DNAH9: variants seen among roughly 807,000 people sequenced by gnomAD.
DNAH9 encodes dynein axonemal heavy chain 9.
DNAH9 carries 345 observed loss-of-function variants against 471.6 expected under a neutral mutation model. The ratio of observed to expected loss-of-function variants is 0.73; its 90% CI spans 0.67 to 0.80. The LOEUF is 0.80. Ranked by LOEUF, DNAH9 falls within the 30% of genes least tolerant of loss-of-function variation. DNAH9 has a pLI of 0.00. For missense variants in DNAH9, 5,407 were observed against 5,609.2 expected, an observed-to-expected ratio of 0.96 and a Z score of 1.15; for synonymous variants, 2,093 against 2,123.6, an observed-to-expected ratio of 0.99 and a Z score of 0.40.
intron 39 of DNAH9, among the ~76,000 whole-genome samples, chr17:11,781,630 G>A (rs1422200768): frequency 3.3e-5 from 5 of 151,944 alleles, no homozygotes; most frequent in Admixed American, 6.6e-5. Context: ...TCAGGAGTTC[G>A]AGACCAGCCT....
chr17:11,762,779 T>G (rs60840893), intron 35 of DNAH9, among the ~76,000 whole-genome samples: 55,878 of 93,028 alleles, frequency 0.6, 14,243 homozygotes, highest in East Asian at 0.68. Context: ...TGTTTTTTTT[T>G]TTTTTTTTTT....
rs568731352 is a variant in DNAH9, at chr17:11,909,842, C to T, written c.11749+4033C>T. On this transcript the variant is annotated intron_variant, in intron 61 of 68. Coordinates refer to ENST00000262442, the MANE Select transcript of DNAH9 (RefSeq NM_001372.4). ...ATTCATAAGGCTATGTGACCATCAC[C>T]ATATGCTAATTTTCAAAACTCTTGT... Among the ~76,000 whole-genome samples, 6 of 152,328 alleles carry T rather than the reference C, an allele frequency of 3.9e-5. No homozygotes were observed. The South Asian group carries it at 1.2e-3, about 32-fold the overall frequency.
chr17:11,646,963 G>C (rs2073405621), intron 11 of DNAH9, 109 bp from the exon 12 acceptor site: 1 of 1,111,352 alleles, frequency 9.0e-7, no homozygotes. Flanking sequence ...GACCCAGCCT[G>C]GTTGGGTCAA....
At chr17:11,715,909 A>G (rs1187275774) in intron 26 of DNAH9, among the ~76,000 whole-genome samples, 1 of 152,072 alleles carries the variant, frequency 6.6e-6, no homozygotes, top group Non-Finnish European at 1.5e-5. Flanking sequence ...AAGCAGGAGC[A>G]CATCAGAGGA....
At chr17:11,689,271 A>G (rs1745217369) in intron 19 of DNAH9, among the ~76,000 whole-genome samples, 2 of 151,866 alleles carry the variant, frequency 1.3e-5, no homozygotes, top group South Asian at 2.1e-4. Flanking sequence ...ATAAGGGGGT[A>G]TTCCCTTCTA....
intron 26 of DNAH9, among the ~76,000 whole-genome samples, chr17:11,710,845 C>T (rs2074815312): frequency 6.6e-6 from 1 of 152,126 alleles, no homozygotes; most frequent in African/African-American, 2.4e-5. Flanking sequence ...TTTGTGAAAA[C>T]ATTTTCAGTT....
At chr17:11,647,034 G>C (rs769991510) in intron 11 of DNAH9, 38 bp from the exon 12 acceptor site, 137 of 1,607,902 alleles carry the variant, frequency 8.5e-5, no homozygotes, top group Non-Finnish European at 1.1e-4. Flanking sequence ...GAGCTGGGAG[G>C]GGGCTTATGA....
At position 11,822,425 on chromosome 17, in the gene DNAH9, T is replaced by G. The variant is rs1252992493; in HGVS notation, c.8851-13T>G. 1 of 1,613,948 alleles carries G rather than the reference T, an allele frequency of 6.2e-7. No homozygotes were observed. The highest frequency in any genetic ancestry group is 8.5e-7 in the Non-Finnish European group (1 of 1,179,990). ...ATGCCTTCCTGGTTCTCCCCACCCT[T>G]CTGACTTCTCAGGTGACTCTCTGTT... On this transcript the variant is annotated splice_polypyrimidine_tract_variant and intron_variant, in intron 46 of 68. Coordinates refer to ENST00000262442, the MANE Select transcript of DNAH9 (RefSeq NM_001372.4).
intron 62 of DNAH9, among the ~76,000 whole-genome samples, chr17:11,925,899 G>T (rs1974303318): frequency 6.6e-6 from 1 of 151,948 alleles, no homozygotes; most frequent in African/African-American, 2.4e-5. Flanking sequence ...AGAAACAAAA[G>T]ATCCTTACTG....
At chr17:11,834,523 A>G in intron 48 of DNAH9, 115 bp from the exon 49 acceptor site, 1 of 1,240,376 alleles carries the variant, frequency 8.1e-7, no homozygotes, top group Non-Finnish European at 1.1e-6. Flanking sequence ...GCTGTCATCT[A>G]TTCTGCTCCA....
At chr17:11,945,452 G>A (rs773899174) in intron 67 of DNAH9, among the ~76,000 whole-genome samples, 4 of 151,086 alleles carry the variant, frequency 2.6e-5, no homozygotes, top group Non-Finnish European at 4.4e-5. Context: ...CAGGAGAATC[G>A]CTTTAACCTG....
chr17:11,817,063 AAAATAAT>A (rs1299673602), intron 45 of DNAH9, among the ~76,000 whole-genome samples: 1 of 151,600 alleles, frequency 6.6e-6, no homozygotes, highest in African/African-American at 2.4e-5. Flanking sequence ...CTCAAAAAAA[AAAATAAT>A]AATAATAATG....
intron 48 of DNAH9, among the ~76,000 whole-genome samples, chr17:11,825,051 A>T (rs1970442287): frequency 6.6e-6 from 1 of 152,004 alleles, no homozygotes; most frequent in Non-Finnish European, 1.5e-5. Flanking sequence ...AACAAATGGC[A>T]TGTGCAAATT....
intron 35 of DNAH9, among the ~76,000 whole-genome samples, chr17:11,762,713 G>A (rs1164158196): frequency 6.7e-6 from 1 of 148,270 alleles, no homozygotes; most frequent in African/African-American, 2.5e-5. Flanking sequence ...TGAAGAGGTA[G>A]AAGGGCAAGC....
At chr17:11,964,893 G>A (rs545510485) in intron 68 of DNAH9, among the ~76,000 whole-genome samples, 1 of 152,090 alleles carries the variant, frequency 6.6e-6, no homozygotes, top group African/African-American at 2.4e-5. Context: ...TGCCTGTCCA[G>A]GGATTCCCTG....
chr17:11,680,959 G>A, intron 19 of DNAH9, 70 bp downstream of exon 19: 1 of 1,375,406 alleles, frequency 7.3e-7, no homozygotes, highest in Non-Finnish European at 9.9e-7. Flanking sequence ...TAATCTTTTT[G>A]TGGGGCGTGT....
intron 17 of DNAH9, among the ~76,000 whole-genome samples, chr17:11,670,017 A>T (rs530867534): frequency 6.6e-6 from 1 of 152,110 alleles, no homozygotes; most frequent in Non-Finnish European, 1.5e-5. Flanking sequence ...TTTCATGTCC[A>T]GTGTGTGAAA....
In DNAH9 at chr17:11,742,138, G is replaced by T. The variant is rs1396963395; in HGVS notation, c.5973-37G>T. ...CAGTCTCCTCTTCAACACTGTACTT[G>T]GGAAACTGACTGGGCCTTCTGTCTT... On this transcript the variant is annotated intron_variant, in intron 29 of 68. Transcript: ENST00000262442. 8.1e-6 allele frequency: 13 copies of T among 1,609,232 alleles called. No individual in the cohort carries two copies. The South Asian group carries it at 1.4e-4, about 18-fold the overall frequency.
chr17:11,715,618 TG>T (rs1364190088), intron 26 of DNAH9, among the ~76,000 whole-genome samples: 1 of 152,188 alleles, frequency 6.6e-6, no homozygotes, highest in Non-Finnish European at 1.5e-5. Context: ...TCCATATCCA[TG>T]TTGGGACTCA....
Sources: gnomAD v4.1 joint callset for allele counts (sites outside exome capture counted in the v4.1 genomes callset) on GRCh38, gnomAD v4.1.1 for gene constraint, MANE v1.5 for transcripts, NCBI Gene and HGNC (gene_info 2026-07-23, HGNC 2026-07-21) for gene names.